Variants in CLDN20 observed in about 807,000 individuals in gnomAD.
CLDN20 encodes claudin-20.
For synonymous variants in CLDN20, 104 were observed against 103.6 expected (o/e 1.00, Z -0.03); for missense variants, 258 against 267.9 (o/e 0.96, Z 0.26).
intron 1 of CLDN20, among the ~76,000 whole-genome samples, chr6:155,271,926 C>T (rs567231762): frequency 1.3e-5 from 2 of 152,148 alleles, no homozygotes; most frequent in East Asian, 1.9e-4. Context: ...CTCCCTTCCC[C>T]GCCTCTCCTT....
intron 1 of CLDN20, among the ~76,000 whole-genome samples, chr6:155,268,986 T>TA (rs34268254): frequency 1.1e-3 from 141 of 128,394 alleles, no homozygotes; most frequent in Admixed American, 2.7e-3. Context: ...ATTAAAAAAT[T>TA]AAAAAAAAAA....
In CLDN20 at chr6:155,276,150, T is replaced by C. The variant is rs748704642; in HGVS notation, c.431T>C (p.Ile144Thr). The C allele has an allele frequency of 1.5e-5, 24 of 1,614,088 alleles. 1 individual carries two copies. Among genetic ancestry groups the C allele is most frequent in the South Asian group, 1.3e-4 (12 of 91,082 alleles). The change falls in exon 2 of 2, where the codon ATA (isoleucine) becomes ACA (threonine). Residue 144 changes from isoleucine to threonine, a missense_variant. Ile to Thr is a moderately conservative substitution (Grantham distance 89). Coordinates refer to ENST00000367165, the MANE Select transcript of CLDN20 (RefSeq NM_001001346.3). ...ISTVWYTKEIIANFLDLTVPE... is the reference protein window; with the variant it reads ...ISTVWYTKEITANFLDLTVPE... The stretch of plus-strand genomic sequence containing the variant: ...ACAGTGTGGTACACAAAGGAGATCA[T>C]AGCAAACTTTCTGGATCTGACAGTT...
At chr6:155,271,323 T>A (rs1443636769) in intron 1 of CLDN20, among the ~76,000 whole-genome samples, 1 of 152,236 alleles carries the variant, frequency 6.6e-6, no homozygotes, top group Non-Finnish European at 1.5e-5. Context: ...ATTCATGGGC[T>A]ACAACCTCAG....
At chr6:155,272,784 G>A (rs868396121) in intron 1 of CLDN20, among the ~76,000 whole-genome samples, 4 of 152,204 alleles carry the variant, frequency 2.6e-5, no homozygotes, top group Middle Eastern at 3.4e-3. Context: ...TAAATGACAC[G>A]TCATATTGTT....
intron 1 of CLDN20, among the ~76,000 whole-genome samples, chr6:155,268,979 A>T (rs9478634): frequency 1.5e-4 from 12 of 81,176 alleles, no homozygotes; most frequent in East Asian, 3.4e-3. Context: ...AAAAAAAATT[A>T]AAAAATTAAA....
chr6:155,270,701 G>A (rs150338011), intron 1 of CLDN20, among the ~76,000 whole-genome samples: 1 of 152,200 alleles, frequency 6.6e-6, no homozygotes, highest in East Asian at 1.9e-4. Context: ...GGGAGCAGCC[G>A]GGTCCCTCCA....
At chr6:155,265,268 G>A (rs1024064599) in intron 1 of CLDN20, among the ~76,000 whole-genome samples, 1 of 152,206 alleles carries the variant, frequency 6.6e-6, no homozygotes, top group Non-Finnish European at 1.5e-5. Context: ...AGCAACTCCC[G>A]TCCCTCAGAG....
At chr6:155,267,124 G>A (rs1224461742) in intron 1 of CLDN20, among the ~76,000 whole-genome samples, 1 of 151,866 alleles carries the variant, frequency 6.6e-6, no homozygotes, top group Non-Finnish European at 1.5e-5. Flanking sequence ...ACAGGTGGGT[G>A]GCACCACACC....
In CLDN20 at chr6:155,276,476, G is replaced by T. The variant is rs1785227308; in HGVS notation, c.*97G>T. 1.8e-6 allele frequency: 2 copies of T among 1,121,990 alleles called. No individual in the cohort carries two copies. The highest frequency in any genetic ancestry group is 2.7e-5 in the Admixed American group (1 of 36,952). 69.5% of individuals were successfully genotyped at this position (1,121,990 alleles called of 1,614,324 possible). Reference sequence around the variant, plus strand: ...AATTATGCTTAACTTTCCCTACAAAGAAAGTAGAATGTAAAATACTTTAAC... The same window carrying T: ...AATTATGCTTAACTTTCCCTACAAATAAAGTAGAATGTAAAATACTTTAAC... On this transcript the variant is annotated 3_prime_UTR_variant, in exon 2 of 2. Transcript: ENST00000367165.
Position 155,276,500 on chromosome 6 carries a change from A to C in CLDN20, c.*121A>C, listed in dbSNP as rs1252311347. 3.4e-6 allele frequency: 3 copies of C among 895,118 alleles called. No homozygotes were observed. Among genetic ancestry groups the C allele is most frequent in the Non-Finnish European group, 5.1e-6 (3 of 590,992 alleles). The allele number at this position is 895,118 out of a possible 1,614,324, so 55.4% of individuals were successfully genotyped here. ...AGAAAGTAGAATGTAAAATACTTTA[A>C]CAACTACAAAGTAGTTTAAAATGCC... is the stretch of plus-strand genomic sequence containing the variant. On this transcript the variant is annotated 3_prime_UTR_variant, in exon 2 of 2. Coordinates refer to ENST00000367165, the MANE Select transcript of CLDN20 (RefSeq NM_001001346.3).
chr6:155,268,756 TTG>T (rs1343351261), intron 1 of CLDN20, among the ~76,000 whole-genome samples: 152 of 151,016 alleles, frequency 1.0e-3, no homozygotes, highest in Admixed American at 6.6e-3. Context: ...GGCAGCATGC[TTG>T]CTAAGAGTCA....
intron 1 of CLDN20, among the ~76,000 whole-genome samples, chr6:155,273,432 T>C (rs1785032520): frequency 6.6e-6 from 1 of 152,264 alleles, no homozygotes; most frequent in African/African-American, 2.4e-5. Flanking sequence ...GCAAAGTTTA[T>C]ACTTTAAATA....
At position 155,264,304 on chromosome 6, in the gene CLDN20, G is replaced by C. The variant is rs950725864; in HGVS notation, c.-105+16G>C. 1.3e-5 allele frequency: 2 copies of C among 152,136 alleles called. No individual in the cohort carries two copies. Among genetic ancestry groups the C allele is most frequent in the African/African-American group, 2.4e-5 (1 of 41,418 alleles). 9.4% of individuals were successfully genotyped at this position (152,136 alleles called of 1,614,324 possible). On this transcript the variant is annotated intron_variant, in intron 1 of 1. Transcript: ENST00000367165. Reference sequence around the variant, plus strand: ...ACTTTCCCAGGTAAGGAGAATCCCAGGTAGAGGCAGCAAGTCACTGATGCC... The same window carrying C: ...ACTTTCCCAGGTAAGGAGAATCCCACGTAGAGGCAGCAAGTCACTGATGCC...
intron 1 of CLDN20, among the ~76,000 whole-genome samples, chr6:155,269,324 C>CTTTTTTTTTTTT (rs60162262): frequency 4.7e-5 from 6 of 127,238 alleles, no homozygotes; most frequent in African/African-American, 8.9e-5. Context: ...CTTTTCTTTT[C>CTTTTTTTTTTTT]TTTTTTTTTT....
chr6:155,266,846 C>CAAAAAAA (rs1213939199), intron 1 of CLDN20, among the ~76,000 whole-genome samples: 1 of 62,832 alleles, frequency 1.6e-5, no homozygotes, highest in African/African-American at 6.2e-5. Context: ...GACTCCGTCT[C>CAAAAAAA]AAAAAAAAAA....
intron 1 of CLDN20, among the ~76,000 whole-genome samples, chr6:155,272,259 T>C (rs1784953608): frequency 6.6e-6 from 1 of 152,190 alleles, no homozygotes; most frequent in South Asian, 2.1e-4. Context: ...CGGTATTATT[T>C]AGTTCGAATT....
At chr6:155,269,425 G>A (rs1348711368) in intron 1 of CLDN20, among the ~76,000 whole-genome samples, 3 of 148,666 alleles carry the variant, frequency 2.0e-5, no homozygotes, top group East Asian at 2.1e-4. Flanking sequence ...GGGTTCAAGC[G>A]ATTCTCTTGC....
At chr6:155,266,972 T>C (rs1431260941) in intron 1 of CLDN20, among the ~76,000 whole-genome samples, 1 of 69,644 alleles carries the variant, frequency 1.4e-5, no homozygotes, top group African/African-American at 5.1e-5. Context: ...TTTGCTGCCT[T>C]TTTTTTTTTT....
chr6:155,269,721 A>G (rs1462175256), intron 1 of CLDN20, among the ~76,000 whole-genome samples: 1 of 152,246 alleles, frequency 6.6e-6, no homozygotes, highest in Non-Finnish European at 1.5e-5. Flanking sequence ...AAAGCAGGTT[A>G]TAAATGGTAG....
Sources: allele counts gnomAD v4.1 joint callset (sites outside exome capture counted in the v4.1 genomes callset), GRCh38; gene constraint gnomAD v4.1.1; transcripts MANE v1.5; gene names NCBI Gene and HGNC (gene_info 2026-07-23, HGNC 2026-07-21).